SRBD1: variants seen among roughly 807,000 people sequenced by gnomAD.
The protein encoded by SRBD1 is S1 RNA-binding domain-containing protein 1.
SRBD1 carries 88 observed loss-of-function variants against 115.3 expected under a neutral mutation model. That is an observed-to-expected ratio of 0.76 (90% confidence interval 0.64 to 0.91). The LOEUF (loss-of-function observed/expected upper bound fraction) is 0.91, where lower values mean the gene tolerates loss of function less well. Ranked by LOEUF, SRBD1 falls within the 40% of genes least tolerant of loss-of-function variation. SRBD1 has a pLI of 0.00. For missense variants in SRBD1, 1,385 were observed against 1,177.4 expected, an observed-to-expected ratio of 1.18 and a Z score of -2.58; for synonymous variants, 509 against 407.7, an observed-to-expected ratio of 1.25 and a Z score of -2.99.
intron 16 of SRBD1, among the ~76,000 whole-genome samples, chr2:45,470,772 T>TA (rs1308503138): frequency 6.6e-6 from 1 of 152,078 alleles, no homozygotes; most frequent in Non-Finnish European, 1.5e-5. Context: ...GCAAAGTCTT[T>TA]AGGGGTCAGT....
intron 15 of SRBD1, among the ~76,000 whole-genome samples, chr2:45,477,985 A>G (rs920041503): frequency 1.3e-5 from 2 of 150,422 alleles, no homozygotes; most frequent in Non-Finnish European, 3.0e-5. Context: ...TTTACCAAAT[A>G]TCAATAAAAA....
intron 14 of SRBD1, among the ~76,000 whole-genome samples, chr2:45,519,112 T>A (rs565973772): frequency 2.0e-5 from 3 of 152,194 alleles, no homozygotes; most frequent in African/African-American, 7.2e-5. Context: ...TATAATTTTT[T>A]AATCAAATCA....
chr2:45,611,026 G>A (rs760757094), intron 1 of SRBD1, among the ~76,000 whole-genome samples, 193 bp downstream of exon 1: 2 of 152,232 alleles, frequency 1.3e-5, no homozygotes, highest in Non-Finnish European at 2.9e-5. Flanking sequence ...AGGTAGCTAG[G>A]AGGGGTTTTC....
At chr2:45,397,967 C>T (rs1421595225) in intron 19 of SRBD1, among the ~76,000 whole-genome samples, 1 of 152,184 alleles carries the variant, frequency 6.6e-6, no homozygotes, top group East Asian at 1.9e-4. Context: ...ACAATCTATG[C>T]TGGTGCAAAA....
intron 14 of SRBD1, among the ~76,000 whole-genome samples, chr2:45,529,791 G>T (rs1671557334): frequency 6.6e-6 from 1 of 151,824 alleles, no homozygotes; most frequent in Non-Finnish European, 1.5e-5. Context: ...TTGAAGACAA[G>T]GAAATCATTA....
At chr2:45,412,963 T>A in intron 19 of SRBD1, 151 bp downstream of exon 19, 1 of 794,224 alleles carries the variant, frequency 1.3e-6, no homozygotes, top group Non-Finnish European at 1.9e-6. Flanking sequence ...TGAAATAATG[T>A]GCCACATAAC....
At chr2:45,456,278 C>G (rs1392396416) in intron 16 of SRBD1, among the ~76,000 whole-genome samples, 1 of 151,774 alleles carries the variant, frequency 6.6e-6, no homozygotes, top group Non-Finnish European at 1.5e-5. Context: ...TTTAAGATGA[C>G]CTTGATAGAA....
chr2:45,530,745 G>GTCAC (rs1671585609), intron 14 of SRBD1, among the ~76,000 whole-genome samples: 1 of 151,932 alleles, frequency 6.6e-6, no homozygotes, highest in Admixed American at 6.6e-5. Context: ...AAGCCCAGAG[G>GTCAC]TCACTCTTCC....
chr2:45,554,352 C>T (rs1479434305), intron 10 of SRBD1, among the ~76,000 whole-genome samples: 1 of 152,156 alleles, frequency 6.6e-6, no homozygotes, highest in Non-Finnish European at 1.5e-5. Flanking sequence ...TAAATTACTC[C>T]GGTTGAAGCC....
intron 14 of SRBD1, among the ~76,000 whole-genome samples, chr2:45,521,383 G>A (rs966011643): frequency 6.6e-6 from 1 of 151,466 alleles, no homozygotes; most frequent in African/African-American, 2.4e-5. Flanking sequence ...GATACAAATA[G>A]CCAATAAGCA....
chr2:45,473,961 T>C (rs539941982), intron 16 of SRBD1, among the ~76,000 whole-genome samples: 4 of 152,348 alleles, frequency 2.6e-5, no homozygotes, highest in African/African-American at 9.6e-5. Context: ...TTTTTGTTCA[T>C]GCTTTCCACC....
chr2:45,581,780 G>C lies in SRBD1; in HGVS notation c.846C>G (p.Ile282Met). Residue 282 changes from isoleucine to methionine, a missense_variant, in exon 6 of 21, where the codon ATC (isoleucine) becomes ATG (methionine). Physicochemically the swap from Ile to Met is conservative, Grantham distance 10. Coordinates refer to ENST00000263736, the MANE Select transcript of SRBD1 (RefSeq NM_018079.5). ...RAVAKKVHST[I>M]QKIKKEGKMS... is the part of the protein sequence containing the mutation. ...TCTTCCCTTCCTTCTTAATTTTCTG[G>C]ATTGTACTATGAACTTTCTTTGCAA... is the stretch of plus-strand genomic sequence containing the variant. 3 of 1,613,382 alleles carry C rather than the reference G, an allele frequency of 1.9e-6. No homozygotes were observed. The highest frequency in any genetic ancestry group is 2.5e-6 in the Non-Finnish European group (3 of 1,179,718).
intron 16 of SRBD1, among the ~76,000 whole-genome samples, chr2:45,473,041 G>T (rs983613028): frequency 1.3e-5 from 2 of 151,226 alleles, no homozygotes; most frequent in Non-Finnish European, 2.9e-5. Flanking sequence ...TCTATTAATA[G>T]GGGAAGTTAG....
At chr2:45,572,093 G>A (rs1342687387) in intron 9 of SRBD1, among the ~76,000 whole-genome samples, 1 of 152,102 alleles carries the variant, frequency 6.6e-6, no homozygotes, top group Non-Finnish European at 1.5e-5. Context: ...TAATCAAACT[G>A]TCAAAAGATA....
At position 45,593,371 on chromosome 2, in the gene SRBD1, T is replaced by G. The variant is rs1673785014; in HGVS notation, c.648+6078A>C. Among the ~76,000 whole-genome samples the G allele has an allele frequency of 2.0e-5, 3 of 152,158 alleles. No homozygotes were observed. The South Asian group carries it at 6.2e-4, about 31-fold the overall frequency. The stretch of plus-strand genomic sequence containing the variant: ...AAGCAAGATGATTCCTCAGGCATAA[T>G]CCTCATGTGTCAAGGGCACAACCAA... On this transcript the variant is annotated intron_variant, in intron 4 of 20. Transcript: ENST00000263736.
chr2:45,573,953 GA>G (rs961108749), intron 8 of SRBD1, among the ~76,000 whole-genome samples: 4 of 152,118 alleles, frequency 2.6e-5, no homozygotes, highest in African/African-American at 7.2e-5. Flanking sequence ...TATGTGGAGG[GA>G]GAGAGAGGAA....
At chr2:45,573,117 A>T in intron 9 of SRBD1, 90 bp downstream of exon 9, 2 of 1,339,002 alleles carry the variant, frequency 1.5e-6, no homozygotes, top group South Asian at 1.6e-5. Flanking sequence ...GTTGACATAA[A>T]ATTATTTAAA....
chr2:45,579,568 G>C (rs1297393487), intron 7 of SRBD1, among the ~76,000 whole-genome samples: 1 of 151,710 alleles, frequency 6.6e-6, no homozygotes, highest in Non-Finnish European at 1.5e-5. Flanking sequence ...AAAGTGAAAA[G>C]ACAAGTTACA....
chr2:45,580,057 A>C, intron 6 of SRBD1, 44 bp from the exon 7 acceptor site: 1 of 1,432,876 alleles, frequency 7.0e-7, no homozygotes, highest in Non-Finnish European at 9.2e-7. Flanking sequence ...TTTTAAAAAA[A>C]CAAAAGTTAA....
Sources: allele counts gnomAD v4.1 joint callset (sites outside exome capture counted in the v4.1 genomes callset), GRCh38; gene constraint gnomAD v4.1.1; transcripts MANE v1.5; gene names NCBI Gene and HGNC (gene_info 2026-07-23, HGNC 2026-07-21).